The following LGSN variants were observed in gnomAD, a reference collection of about 807,000 sequenced individuals.
LGSN encodes lengsin, lens protein with glutamine synthetase domain.
Under a neutral mutation model 19.5 loss-of-function variants are expected in LGSN, and 21 were observed. The observed-to-expected ratio is 1.07, with a 90% CI of 0.76 to 1.55. The LOEUF is 1.55. Among genes scored for constraint, LGSN ranks in the 40% most tolerant of loss-of-function variants. The pLI, the probability that LGSN is intolerant of heterozygous loss-of-function variation, is 0.00. For synonymous variants in LGSN, 257 were observed against 215.6 expected (o/e 1.19, Z -1.68); for missense variants, 673 against 608.5 (o/e 1.11, Z -1.12).
chr6:63,480,134 AT>A, the LGSN span: 15 of 211,316 alleles, frequency 7.1e-5, no homozygotes, highest in Non-Finnish European at 1.5e-4. Context: ...AGCTGATGCC[AT>A]GGGTTTCAGA....
At chr6:63,420,358 T>C in the LGSN span, among the ~76,000 whole-genome samples, 1 of 152,234 alleles carries the variant, frequency 6.6e-6, no homozygotes, top group Non-Finnish European at 1.5e-5. Context: ...TCAACTGATA[T>C]GCCATTCCAT....
intron 2 of LGSN, among the ~76,000 whole-genome samples, chr6:63,287,211 C>T (rs779041472): frequency 4.5e-4 from 68 of 152,196 alleles, no homozygotes; most frequent in Admixed American, 8.5e-4. Context: ...ATCACTGATA[C>T]ATTTGGCTAC....
At chr6:63,355,258 A>G in the LGSN span, among the ~76,000 whole-genome samples, 1 of 152,222 alleles carries the variant, frequency 6.6e-6, no homozygotes, top group Non-Finnish European at 1.5e-5. Flanking sequence ...ATCAATTTAA[A>G]AAAAAATGAA....
the LGSN span, among the ~76,000 whole-genome samples, chr6:63,327,246 G>C: frequency 6.6e-6 from 1 of 152,180 alleles, no homozygotes; most frequent in Non-Finnish European, 1.5e-5. Context: ...TCTGTAGCTT[G>C]ATGGCCTCGA....
At chr6:63,321,602 T>C (rs2127399749), upstream of LGSN, among the ~76,000 whole-genome samples, 1 of 152,272 alleles carries the variant, frequency 6.6e-6, no homozygotes, top group South Asian at 2.1e-4. Context: ...GATTTGCCCA[T>C]TTTTGTAAAA....
chr6:63,309,376 G>A (rs975874646), intron 1 of LGSN, among the ~76,000 whole-genome samples: 2 of 152,258 alleles, frequency 1.3e-5, no homozygotes, highest in East Asian at 3.9e-4. Context: ...AGGTTGCAGT[G>A]AGCCGAGATC....
At chr6:63,504,563 C>T in the LGSN span, among the ~76,000 whole-genome samples, 1 of 152,152 alleles carries the variant, frequency 6.6e-6, no homozygotes, top group Non-Finnish European at 1.5e-5. Context: ...GTGCCTCAGC[C>T]TCCCGAGTAG....
chr6:63,489,255 G>T, the LGSN span, among the ~76,000 whole-genome samples: 8 of 152,204 alleles, frequency 5.3e-5, no homozygotes, highest in East Asian at 1.5e-3. Flanking sequence ...CAATGCTAAA[G>T]AGATAAGAGT....
Position 63,319,975 on chromosome 6 carries a change from C to G in LGSN, c.-32G>C, listed in dbSNP as rs774774822. Reference sequence around the variant, plus strand: ...ACTTTTTAAGTTCAGCGTTAGAAACCACAATATCCTCAACAAATGCATTCA... The same window carrying G: ...ACTTTTTAAGTTCAGCGTTAGAAACGACAATATCCTCAACAAATGCATTCA... On this transcript the variant is annotated 5_prime_UTR_variant, in exon 1 of 4. Coordinates refer to ENST00000370657, the MANE Select transcript of LGSN (RefSeq NM_016571.3). The G allele has an allele frequency of 1.3e-6, 2 of 1,556,770 alleles. No individual in the cohort carries two copies. Among genetic ancestry groups the G allele is most frequent in the South Asian group, 1.1e-5 (1 of 89,892 alleles).
intron 1 of LGSN, 119 bp downstream of exon 1, chr6:63,319,795 C>T: frequency 1.4e-6 from 1 of 724,440 alleles, no homozygotes; most frequent in Non-Finnish European, 2.5e-6. Flanking sequence ...CCTGAGTGGA[C>T]ATATAACAAG....
chr6:63,531,762 A>G, the LGSN span, among the ~76,000 whole-genome samples: 1 of 151,872 alleles, frequency 6.6e-6, no homozygotes, highest in South Asian at 2.1e-4. Context: ...AAGTGCTGTG[A>G]TTACAGGCAT....
At chr6:63,467,618 T>C in the LGSN span, among the ~76,000 whole-genome samples, 1 of 152,210 alleles carries the variant, frequency 6.6e-6, no homozygotes, top group South Asian at 2.1e-4. Flanking sequence ...TGGTGTCTCT[T>C]CCTCTTCTTA....
At chr6:63,345,293 T>C in the LGSN span, among the ~76,000 whole-genome samples, 1 of 152,212 alleles carries the variant, frequency 6.6e-6, no homozygotes, top group Non-Finnish European at 1.5e-5. Flanking sequence ...CTTTTACTTT[T>C]CTGTAAATTT....
the LGSN span, among the ~76,000 whole-genome samples, chr6:63,557,557 C>T: frequency 6.6e-6 from 1 of 152,162 alleles, no homozygotes; most frequent in East Asian, 1.9e-4. Flanking sequence ...CAGAGTGAAA[C>T]TCCATTTCAT....
At chr6:63,437,422 T>C in the LGSN span, among the ~76,000 whole-genome samples, 1 of 152,184 alleles carries the variant, frequency 6.6e-6, no homozygotes, top group South Asian at 2.1e-4. Flanking sequence ...TTGTTTTTTG[T>C]TTTGTTTTTG....
At chr6:63,463,930 G>A in the LGSN span, among the ~76,000 whole-genome samples, 2 of 152,082 alleles carry the variant, frequency 1.3e-5, no homozygotes, top group East Asian at 3.9e-4. Flanking sequence ...AGCCAAAAAT[G>A]GACAGTACCG....
chr6:63,307,858 A>G (rs1232704729), intron 1 of LGSN, among the ~76,000 whole-genome samples: 3 of 152,206 alleles, frequency 2.0e-5, no homozygotes, highest in Admixed American at 1.3e-4. Flanking sequence ...GATTCTAAAC[A>G]CAATAAAATA....
the LGSN span, among the ~76,000 whole-genome samples, chr6:63,418,857 C>T: frequency 6.6e-6 from 1 of 152,122 alleles, no homozygotes; most frequent in Non-Finnish European, 1.5e-5. Context: ...CTAAACAAAC[C>T]CACAGAAAAA....
chr6:63,386,212 A>T, the LGSN span, among the ~76,000 whole-genome samples: 11 of 152,194 alleles, frequency 7.2e-5, no homozygotes, highest in African/African-American at 2.6e-4. Context: ...CAAGAGAGGG[A>T]CCCCTTTGTG....
Sources: allele counts gnomAD v4.1 joint callset (sites outside exome capture counted in the v4.1 genomes callset), GRCh38; gene constraint gnomAD v4.1.1; transcripts MANE v1.5; gene names NCBI Gene and HGNC (gene_info 2026-07-23, HGNC 2026-07-21).